The following KCNJ15 variants were observed in gnomAD, a reference collection of about 807,000 sequenced individuals.
The protein encoded by KCNJ15 is potassium inwardly rectifying channel subfamily J member 15.
In KCNJ15, 14 loss-of-function variants were observed where a neutral mutation model predicts 23.0. The observed-to-expected ratio is 0.61, with a 90% CI of 0.40 to 0.95. The LOEUF (loss-of-function observed/expected upper bound fraction) is 0.95, where lower values mean the gene tolerates loss of function less well. Among genes scored for constraint, KCNJ15 ranks in the 40% least tolerant of loss-of-function variants. The pLI, the probability that KCNJ15 is intolerant of heterozygous loss-of-function variation, is 0.00. For synonymous variants in KCNJ15, 185 were observed against 183.2 expected, an observed-to-expected ratio of 1.01 and a Z score of -0.08; for missense variants, 388 against 461.8, an observed-to-expected ratio of 0.84 and a Z score of 1.46.
chr21:38,287,020 GT>G (rs764286067), intron 1 of KCNJ15, among the ~76,000 whole-genome samples: 1 of 152,096 alleles, frequency 6.6e-6, no homozygotes, highest in South Asian at 2.1e-4. Context: ...GTATAATTTT[GT>G]TTTTTCAGTA....
chr21:38,286,452 G>C (rs1740531166), intron 1 of KCNJ15, among the ~76,000 whole-genome samples: 1 of 152,194 alleles, frequency 6.6e-6, no homozygotes, highest in Non-Finnish European at 1.5e-5. Flanking sequence ...TGGTCTTACT[G>C]TTCCAATCAC....
At chr21:38,249,643 TAA>T (rs1306815985) in intron 1 of KCNJ15, among the ~76,000 whole-genome samples, 9 of 152,220 alleles carry the variant, frequency 5.9e-5, no homozygotes, top group Admixed American at 2.0e-4. Context: ...CCAAGGAAAC[TAA>T]AGACTGTATG....
intron 1 of KCNJ15, among the ~76,000 whole-genome samples, chr21:38,273,957 T>C (rs1982371943): frequency 6.6e-6 from 1 of 152,232 alleles, no homozygotes; most frequent in Non-Finnish European, 1.5e-5. Flanking sequence ...ATGTGCTCAA[T>C]TACTGTATGG....
rs147204595 is a variant in KCNJ15, at chr21:38,249,205, A to T, written c.-398-7841A>T. Reference sequence around the variant, plus strand: ...TGAGATTTGACTGGCAAGATAAGACATACCACTGAGCAATTTGAAAAACAA... The same window carrying T: ...TGAGATTTGACTGGCAAGATAAGACTTACCACTGAGCAATTTGAAAAACAA... On this transcript the variant is annotated intron_variant, in intron 1 of 4. Transcript: ENST00000547341. Among the ~76,000 whole-genome samples, 157 of 152,324 alleles carry T rather than the reference A, an allele frequency of 1.0e-3. 1 individual carries two copies. Among genetic ancestry groups the T allele is most frequent in the Non-Finnish European group, 1.9e-3 (130 of 68,028 alleles).
Position 38,299,668 on chromosome 21 carries a change from C to T in KCNJ15, c.407C>T (p.Thr136Ile). Residue 136 changes from threonine to isoleucine, a missense_variant, in exon 3 of 3, where the codon ACA becomes ATA. Thr to Ile is a moderately conservative substitution (Grantham distance 89, BLOSUM62 -1). Coordinates refer to ENST00000398938, the MANE Select transcript of KCNJ15 (RefSeq NM_170736.3). This position sits in a 1 kb window ranked among gnomAD's most constrained non-coding sequence, Gnocchi z 4.5. The stretch of plus-strand genomic sequence containing the variant: ...ATTGGCTATGGAGTCCGTTCCATCA[C>T]AGAGGAATGTCCTCATGCCATCTTC... ...TTIGYGVRSI[T>I]EECPHAIFLL... 2.5e-6 allele frequency: 4 copies of T among 1,614,198 alleles called. No individual in the cohort carries two copies. The highest frequency in any genetic ancestry group is 3.4e-6 in the Non-Finnish European group (4 of 1,180,040).
intron 1 of KCNJ15, among the ~76,000 whole-genome samples, chr21:38,282,608 G>C (rs1983473792): frequency 6.6e-6 from 1 of 152,104 alleles, no homozygotes; most frequent in Admixed American, 6.5e-5. Flanking sequence ...ATTCCTCTCT[G>C]GGATTCCTCT....
chr21:38,243,893 G>A (rs1863129131), intron 1 of KCNJ15, among the ~76,000 whole-genome samples: 1 of 152,186 alleles, frequency 6.6e-6, no homozygotes, highest in African/African-American at 2.4e-5. Flanking sequence ...GCACTAGACG[G>A]TTATTGTCAT....
chr21:38,283,749 T>G (rs1471124878), intron 1 of KCNJ15, among the ~76,000 whole-genome samples: 2 of 143,562 alleles, frequency 1.4e-5, no homozygotes, highest in Non-Finnish European at 3.2e-5. Context: ...GCTAGATTAC[T>G]CTATCGGACA....
intron 1 of KCNJ15, among the ~76,000 whole-genome samples, chr21:38,271,894 C>T (rs1473861649): frequency 1.3e-5 from 2 of 152,266 alleles, no homozygotes; most frequent in Non-Finnish European, 2.9e-5. Flanking sequence ...CTAGCATGCT[C>T]CCATTTGTTT....
intron 1 of KCNJ15, among the ~76,000 whole-genome samples, chr21:38,260,847 C>A (rs1009304442): frequency 5.3e-5 from 8 of 152,158 alleles, no homozygotes; most frequent in African/African-American, 1.7e-4. Flanking sequence ...TCCCACCCTG[C>A]AGCTCCAATT....
intron 1 of KCNJ15, among the ~76,000 whole-genome samples, chr21:38,291,025 C>CACAT (rs1555885288): frequency 0.022 from 3,309 of 151,034 alleles, 56 homozygotes; most frequent in South Asian, 0.059. Flanking sequence ...CACACACACA[C>CACAT]GTATATATAG....
In KCNJ15 at chr21:38,300,693, T is replaced by G; in HGVS notation, c.*304T>G. ...TAATGTCCTGTTAGATAAACAGACA[T>G]TTAGCAATCCTGACATTAAAAGGAA... On this transcript the variant is annotated 3_prime_UTR_variant, in exon 3 of 3. Transcript: ENST00000398938. The G allele has an allele frequency of 3.3e-6, 1 of 300,306 alleles. No homozygotes were observed. Among genetic ancestry groups the G allele is most frequent in the South Asian group, 8.2e-5 (1 of 12,156 alleles). 18.6% of individuals were successfully genotyped at this position (300,306 alleles called of 1,614,324 possible).
At chr21:38,272,867 C>T (rs559712105) in intron 1 of KCNJ15, among the ~76,000 whole-genome samples, 3 of 152,298 alleles carry the variant, frequency 2.0e-5, no homozygotes, top group African/African-American at 7.2e-5. Context: ...TTATACCCTA[C>T]ACTCTAAAGA....
chr21:38,275,015 C>A (rs1185414047), intron 1 of KCNJ15, among the ~76,000 whole-genome samples: 1 of 152,144 alleles, frequency 6.6e-6, no homozygotes, highest in East Asian at 1.9e-4. Context: ...GGAGCCAACA[C>A]CACCATGTCA....
At position 38,301,032 on chromosome 21, in the gene KCNJ15, T is replaced by G. The variant is rs1040683875; in HGVS notation, c.*643T>G. ...TGGAAACCTACACAAATGGGGCTGA[T>G]GCCATTGTTTCCTCTATTTTATTTT... is the stretch of plus-strand genomic sequence containing the variant. On this transcript the variant is annotated 3_prime_UTR_variant, in exon 3 of 3. Transcript: ENST00000398938. 1.8e-5 allele frequency: 3 copies of G among 167,026 alleles called. No homozygotes were observed. Among genetic ancestry groups the G allele is most frequent in the African/African-American group, 7.2e-5 (3 of 41,468 alleles). The allele number at this position is 167,026 out of a possible 1,614,324, so 10.3% of individuals were successfully genotyped here.
chr21:38,250,707 T>C (rs1043654713), intron 1 of KCNJ15, among the ~76,000 whole-genome samples: 7 of 152,196 alleles, frequency 4.6e-5, no homozygotes, highest in African/African-American at 1.7e-4. Context: ...TGATTTGTTT[T>C]TAAAGCTGAA....
intron 2 of KCNJ15, among the ~76,000 whole-genome samples, chr21:38,297,967 T>G (rs1268521980): frequency 6.6e-6 from 1 of 152,212 alleles, no homozygotes; most frequent in Non-Finnish European, 1.5e-5. Flanking sequence ...AGAGGATTAC[T>G]TTCACAACTT....
Position 38,300,221 on chromosome 21 carries a change from T to C in KCNJ15, c.960T>C (p.Asn320=), listed in dbSNP as rs1985642863. The C allele has an allele frequency of 1.9e-6, 3 of 1,614,094 alleles. No individual in the cohort carries two copies. The East Asian group carries it at 6.7e-5, about 36-fold the overall frequency. ...TGCCTGTGGTATCTCTCTCCAAAAA[T>C]GGAAAATATGTGGCTGATTTCAGTC... ...EFVPVVSLSK[N]GKYVADFSQF... Residue 320 remains asparagine (N), a synonymous_variant, in exon 3 of 3, where the codon AAT becomes AAC. Transcript: ENST00000398938.
intron 1 of KCNJ15, among the ~76,000 whole-genome samples, chr21:38,293,780 G>A (rs569665237): frequency 2.6e-5 from 4 of 152,330 alleles, no homozygotes; most frequent in African/African-American, 7.2e-5. Context: ...GATACAAACC[G>A]AAGGATTGCC....
Sources: gnomAD v4.1 joint callset for allele counts (sites outside exome capture counted in the v4.1 genomes callset) on GRCh38, gnomAD v4.1.1 for gene constraint, Gnocchi (gnomAD v3.1) non-coding constraint, MANE v1.5 for transcripts, NCBI Gene and HGNC (gene_info 2026-07-23, HGNC 2026-07-21) for gene names.